The following IMMP2L variants were observed in gnomAD, a reference collection of about 807,000 sequenced individuals.
IMMP2L encodes the protein mitochondrial inner membrane protease subunit 2.
Under a neutral mutation model 19.3 loss-of-function variants are expected in IMMP2L, and 18 were observed. The observed-to-expected ratio is 0.93, with a 90% CI of 0.64 to 1.38. The LOEUF (loss-of-function observed/expected upper bound fraction) is 1.38, where lower values mean the gene tolerates loss of function less well. Ranked by LOEUF, IMMP2L falls within the 40% of genes most tolerant of loss-of-function variation. IMMP2L has a pLI of 0.00. For synonymous variants in IMMP2L, 76 were observed against 73.0 expected (o/e 1.04, Z -0.21); for missense variants, 233 against 218.2 (o/e 1.07, Z -0.43).
At chr7:111,009,505 C>G (rs188635758) in intron 3 of IMMP2L, among the ~76,000 whole-genome samples, 1 of 151,932 alleles carries the variant, frequency 6.6e-6, no homozygotes, top group Admixed American at 6.6e-5. Flanking sequence ...TAAAAAAATG[C>G]CAATAATGAT....
intron 3 of IMMP2L, among the ~76,000 whole-genome samples, chr7:111,101,024 A>G (rs1797913678): frequency 6.6e-6 from 1 of 151,486 alleles, no homozygotes; most frequent in Non-Finnish European, 1.5e-5. Context: ...TCCTGTCCAG[A>G]ATGGTAACTC....
chr7:111,130,119 T>G lies in IMMP2L; in HGVS notation c.240-166554A>C, dbSNP rs192393506. Among the ~76,000 whole-genome samples, 5 of 152,274 alleles carry G rather than the reference T, an allele frequency of 3.3e-5. No homozygotes were observed. The East Asian group carries it at 9.7e-4, about 29-fold the overall frequency. On this transcript the variant is annotated intron_variant, in intron 3 of 5. Transcript: ENST00000405709. The stretch of plus-strand genomic sequence containing the variant: ...TTTGAATTTACCTATTCTAGTTCAC[T>G]GTATATACATCTCAGAAGGCTCCTA...
intron 3 of IMMP2L, among the ~76,000 whole-genome samples, chr7:111,010,310 GT>G (rs1479567429): frequency 6.6e-6 from 1 of 152,046 alleles, no homozygotes; most frequent in East Asian, 1.9e-4. Flanking sequence ...AAGTCACAGA[GT>G]CTTACATCTT....
intron 3 of IMMP2L, among the ~76,000 whole-genome samples, chr7:110,972,428 C>A (rs1820236630): frequency 6.6e-6 from 1 of 152,018 alleles, no homozygotes; most frequent in African/African-American, 2.4e-5. Flanking sequence ...TAATGTTATG[C>A]ATATGTTTCT....
chr7:111,287,705 G>T (rs1820648790), intron 3 of IMMP2L, among the ~76,000 whole-genome samples: 1 of 152,100 alleles, frequency 6.6e-6, no homozygotes, highest in South Asian at 2.1e-4. Flanking sequence ...CAGAGTTGGA[G>T]GGAATTGATG....
intron 4 of IMMP2L, among the ~76,000 whole-genome samples, chr7:110,946,718 C>CTTTTTTTTTTTTTT (rs754971058): frequency 8.8e-6 from 1 of 114,178 alleles, no homozygotes; most frequent in Non-Finnish European, 1.7e-5. Flanking sequence ...CATTTAATAC[C>CTTTTTTTTTTTTTT]TTTTTTTTTT....
At chr7:111,311,029 T>A (rs1298810447) in intron 3 of IMMP2L, among the ~76,000 whole-genome samples, 1 of 152,178 alleles carries the variant, frequency 6.6e-6, no homozygotes, top group Non-Finnish European at 1.5e-5. Context: ...ATCTCTGACA[T>A]TTCTCTAGTG....
chr7:111,060,847 C>G (rs1025277943), intron 3 of IMMP2L, among the ~76,000 whole-genome samples: 1 of 152,130 alleles, frequency 6.6e-6, no homozygotes, highest in African/African-American at 2.4e-5. Context: ...TGTTTTGATT[C>G]AGATACTGTC....
intron 3 of IMMP2L, among the ~76,000 whole-genome samples, chr7:111,076,101 T>C (rs1223395323): frequency 6.6e-6 from 1 of 152,104 alleles, no homozygotes; most frequent in African/African-American, 2.4e-5. Flanking sequence ...ATAGCCCCCC[T>C]CATGATATTG....
intron 3 of IMMP2L, chr7:111,483,707 C>T (rs1842387106): frequency 6.6e-6 from 1 of 152,176 alleles, no homozygotes; most frequent in South Asian, 2.1e-4. Flanking sequence ...AAAGGACAGT[C>T]TGCTTTGCTA....
chr7:111,402,991 A>ACCCCCCCCCCCCC lies in IMMP2L; in HGVS notation c.239+84246_239+84247insGGGGGGGGGGGGG, dbSNP rs781654530. The stretch of plus-strand genomic sequence containing the variant: ...GCAATCTCGGCTCACTGCAGCCTTG[A>ACCCCCCCCCCCCC]CCCCCCCCCCCCACCCCGCCAGGCT... On this transcript the variant is annotated intron_variant, in intron 3 of 5. Coordinates refer to ENST00000405709, the MANE Select transcript of IMMP2L (RefSeq NM_032549.4). 1.0e-3 allele frequency among the ~76,000 whole-genome samples: 47 copies of ACCCCCCCCCCCCC among 45,536 alleles called. 1 individual carries two copies. Among genetic ancestry groups the ACCCCCCCCCCCCC allele is most frequent in the African/African-American group, 1.2e-3 (11 of 9,082 alleles). The allele number at this position is 45,536 out of a possible 152,430, so 29.9% of individuals were successfully genotyped here.
At chr7:110,820,950 T>C (rs114805345) in intron 5 of IMMP2L, among the ~76,000 whole-genome samples, 2,360 of 152,192 alleles carry the variant, frequency 0.016, 74 homozygotes, top group African/African-American at 0.054. Flanking sequence ...TTCCATTGGT[T>C]AATGACAAAT....
chr7:111,349,970 C>CT lies in IMMP2L; in HGVS notation c.239+137267dup, dbSNP rs11325040. Among the ~76,000 whole-genome samples the CT allele has an allele frequency of 2.4e-3, 339 of 143,032 alleles. 2 individuals are homozygous for CT. The highest frequency in any genetic ancestry group is 7.4e-3 in the Middle Eastern group (2 of 272). 93.8% of individuals were successfully genotyped at this position (143,032 alleles called of 152,430 possible). A position where few individuals can be genotyped will look rare whatever the true frequency, so the allele number is the denominator to read the frequency against. The stretch of plus-strand genomic sequence containing the variant: ...TTTATTTATCAAAACAAAGATGGTC[C>CT]TTTTTTTTTTTTTTGAGACGGAGTT... On this transcript the variant is annotated intron_variant, in intron 3 of 5. Transcript: ENST00000405709.
chr7:111,419,739 G>A (rs1835307072), intron 3 of IMMP2L, among the ~76,000 whole-genome samples: 1 of 151,400 alleles, frequency 6.6e-6, no homozygotes, highest in African/African-American at 2.4e-5. Context: ...AGGACCACCG[G>A]AGACCTTGTC....
chr7:110,879,216 C>T (rs1020796656), intron 5 of IMMP2L, among the ~76,000 whole-genome samples: 2 of 151,890 alleles, frequency 1.3e-5, no homozygotes, highest in Non-Finnish European at 2.9e-5. Context: ...CATGGTGAAA[C>T]CCTGTCTCTA....
chr7:110,745,388 G>A (rs918046581), intron 5 of IMMP2L, among the ~76,000 whole-genome samples: 3 of 152,130 alleles, frequency 2.0e-5, no homozygotes, highest in Non-Finnish European at 4.4e-5. Context: ...TCAAATTCAG[G>A]AAATGCAGAG....
At chr7:111,193,942 T>A (rs1272885904) in intron 3 of IMMP2L, among the ~76,000 whole-genome samples, 1 of 152,198 alleles carries the variant, frequency 6.6e-6, no homozygotes. Flanking sequence ...TATGCATTTG[T>A]AAAATATTAC....
chr7:111,123,287 A>C lies in IMMP2L; in HGVS notation c.240-159722T>G. The stretch of plus-strand genomic sequence containing the variant: ...CATAATCTTCTTCGACTTCATCTCA[A>C]TTCAAATAGATTGCAGATGATCAAC... On this transcript the variant is annotated intron_variant, in intron 3 of 5. Coordinates refer to ENST00000405709, the MANE Select transcript of IMMP2L (RefSeq NM_032549.4). This position sits in a 1 kb window ranked among gnomAD's most constrained non-coding sequence, Gnocchi z 6.4. The C allele has an allele frequency of 3.7e-6, 6 of 1,613,840 alleles. No individual in the cohort carries two copies. Among genetic ancestry groups the C allele is most frequent in the Non-Finnish European group, 5.1e-6 (6 of 1,179,938 alleles).
chr7:111,017,581 C>T (rs936147684), intron 3 of IMMP2L, among the ~76,000 whole-genome samples: 2 of 152,148 alleles, frequency 1.3e-5, no homozygotes, highest in Non-Finnish European at 2.9e-5. Flanking sequence ...ACATCCTCTT[C>T]GTTGTCCTTT....
Sources: gnomAD v4.1 joint callset for allele counts (sites outside exome capture counted in the v4.1 genomes callset) on GRCh38, gnomAD v4.1.1 for gene constraint, Gnocchi (gnomAD v3.1) non-coding constraint, MANE v1.5 for transcripts, NCBI Gene and HGNC (gene_info 2026-07-23, HGNC 2026-07-21) for gene names.